RFX7: variants seen among roughly 807,000 people sequenced by gnomAD.
RFX7 encodes DNA-binding protein RFX7.
Under a neutral mutation model 111.8 loss-of-function variants are expected in RFX7, and 26 were observed. The observed-to-expected ratio is 0.23, with a 90% confidence interval of 0.17 to 0.32. RFX7 has a LOEUF of 0.32. Ranked by LOEUF, RFX7 falls within the 10% of genes least tolerant of loss-of-function variation. The pLI, the probability that RFX7 is intolerant of heterozygous loss-of-function variation, is 1.00. For synonymous variants in RFX7, 624 were observed against 624.4 expected (o/e 1.00, Z 0.01); for missense variants, 1,573 against 1,772.9 (o/e 0.89, Z 2.02).
intron 2 of RFX7, among the ~76,000 whole-genome samples, chr15:56,201,834 T>A (rs1449285748): frequency 6.6e-6 from 1 of 151,902 alleles, no homozygotes; most frequent in Non-Finnish European, 1.5e-5. Flanking sequence ...ATTGAGACCA[T>A]CCTGGCTAAC....
rs1299206020 is a variant in RFX7 at position 56,092,364 on chromosome 15, A to T, written c.*981T>A. The T allele has an allele frequency of 6.6e-6, 1 of 152,490 alleles. No homozygotes were observed. Among genetic ancestry groups the T allele is most frequent in the Non-Finnish European group, 1.5e-5 (1 of 67,960 alleles). The allele number at this position is 152,490 out of a possible 1,614,324, so 9.4% of individuals were successfully genotyped here. A position where few individuals can be genotyped will look rare whatever the true frequency, so the allele number is the denominator to read the frequency against. The stretch of plus-strand genomic sequence containing the variant: ...TTACTATATTCAGGAGGAGTGAGGG[A>T]GTCAGTCACTCAATTGAAGAGGAAA... On this transcript the variant is annotated 3_prime_UTR_variant, in exon 10 of 10. Coordinates refer to ENST00000559447, the MANE Select transcript of RFX7 (RefSeq NM_022841.7).
At chr15:56,103,129 A>ATTTTTT (rs11336124) in intron 6 of RFX7, among the ~76,000 whole-genome samples, 24 of 94,438 alleles carry the variant, frequency 2.5e-4, no homozygotes, top group Non-Finnish European at 3.5e-4. Context: ...GTTCCATAAG[A>ATTTTTT]TTTTTTTTTT....
intron 5 of RFX7, among the ~76,000 whole-genome samples, chr15:56,137,401 G>A (rs1342207239): frequency 1.6e-4 from 24 of 152,260 alleles, no homozygotes; most frequent in East Asian, 1.4e-3. Context: ...GTTTATTTGC[G>A]TAGAGGTGTT....
intron 2 of RFX7, among the ~76,000 whole-genome samples, chr15:56,236,653 C>T (rs930298002): frequency 1.8e-4 from 27 of 152,280 alleles, no homozygotes; most frequent in African/African-American, 6.5e-4. Flanking sequence ...CAACTCTGCA[C>T]TAAATTATTC....
rs760448725 is a variant in RFX7 at position 56,096,455 on chromosome 15, C to T, written c.1273G>A (p.Ala425Thr). ...VPASPGGDRS[A>T]RHRYPQILPK... is the part of the protein sequence containing the mutation. ...AAGATCTGAGGGTAACGGTGCCGGG[C>T]AGAACGATCCCCACCAGGACTGGCT... Residue 425 changes from alanine to threonine, a missense_variant, in exon 10 of 10, where the codon GCC becomes ACC. Ala to Thr is a moderately conservative substitution (Grantham distance 58). This residue lies in a region of RFX7 where 288 missense variants were observed against 337.9 expected (regional missense o/e 0.85). Transcript: ENST00000559447. 5.9e-5 allele frequency: 95 copies of T among 1,612,302 alleles called. No individual in the cohort carries two copies. Among genetic ancestry groups the T allele is most frequent in the Non-Finnish European group, 7.3e-5 (86 of 1,179,210 alleles).
intron 5 of RFX7, among the ~76,000 whole-genome samples, chr15:56,111,082 G>A: frequency 1.6e-5 from 2 of 125,830 alleles, no homozygotes; most frequent in Non-Finnish European, 1.7e-5. Context: ...GGGCGCCTCT[G>A]CCCGGCCGCC....
chr15:56,180,450 T>C (rs1172848185), intron 2 of RFX7, among the ~76,000 whole-genome samples: 1 of 152,190 alleles, frequency 6.6e-6, no homozygotes, highest in East Asian at 1.9e-4. Context: ...AAAATCTCTT[T>C]GTATAGCTTA....
At chr15:56,099,721 T>G (rs552721288) in intron 8 of RFX7, among the ~76,000 whole-genome samples, 5 of 152,288 alleles carry the variant, frequency 3.3e-5, no homozygotes, top group Admixed American at 1.3e-4. Flanking sequence ...AGATCAAAAT[T>G]TTGAGAGACA....
chr15:56,130,893 A>C (rs1342871602), intron 5 of RFX7, among the ~76,000 whole-genome samples: 1 of 152,134 alleles, frequency 6.6e-6, no homozygotes, highest in Non-Finnish European at 1.5e-5. Context: ...ATAAAGTAAA[A>C]ACCTAACCAG....
At chr15:56,218,022 G>C (rs919092461) in intron 2 of RFX7, among the ~76,000 whole-genome samples, 1 of 151,612 alleles carries the variant, frequency 6.6e-6, no homozygotes, top group Non-Finnish European at 1.5e-5. Context: ...AGAGATGGTT[G>C]TGCCTGTACT....
At chr15:56,206,401 G>GT (rs1283943480) in intron 2 of RFX7, among the ~76,000 whole-genome samples, 1 of 152,132 alleles carries the variant, frequency 6.6e-6, no homozygotes, top group African/African-American at 2.4e-5. Context: ...ACTGTTAGGG[G>GT]GACACAGTGG....
intron 2 of RFX7, among the ~76,000 whole-genome samples, chr15:56,186,666 C>A (rs533365599): frequency 6.6e-6 from 1 of 151,856 alleles, no homozygotes; most frequent in African/African-American, 2.4e-5. Flanking sequence ...AATATACACA[C>A]ATATCTATAC....
chr15:56,141,251 G>A (rs1012809679), intron 5 of RFX7, among the ~76,000 whole-genome samples: 4 of 151,772 alleles, frequency 2.6e-5, no homozygotes, highest in African/African-American at 9.7e-5. Context: ...AGAGGGCTGA[G>A]GCAGGAGGAT....
chr15:56,180,445 C>T (rs1278388996), intron 2 of RFX7, among the ~76,000 whole-genome samples: 1 of 152,154 alleles, frequency 6.6e-6, no homozygotes, highest in Non-Finnish European at 1.5e-5. Flanking sequence ...GTTTTAAAAT[C>T]TCTTTGTATA....
intron 2 of RFX7, among the ~76,000 whole-genome samples, chr15:56,190,482 C>T (rs554218292): frequency 2.6e-4 from 40 of 152,340 alleles, no homozygotes; most frequent in African/African-American, 8.2e-4. Flanking sequence ...TTTGATTGGT[C>T]ATTCTATCTT....
intron 2 of RFX7, among the ~76,000 whole-genome samples, chr15:56,225,896 C>T (rs2043477906): frequency 6.6e-6 from 1 of 152,072 alleles, no homozygotes; most frequent in Non-Finnish European, 1.5e-5. Flanking sequence ...CTGTTAACTT[C>T]TCAGATTCTA....
At chr15:56,234,586 A>G (rs139762528) in intron 2 of RFX7, among the ~76,000 whole-genome samples, 4 of 152,342 alleles carry the variant, frequency 2.6e-5, no homozygotes, top group East Asian at 1.9e-4. Context: ...TACATTAACT[A>G]AAGCATCTTG....
chr15:56,208,377 AG>A (rs1194996565), intron 2 of RFX7, among the ~76,000 whole-genome samples: 2 of 152,200 alleles, frequency 1.3e-5, no homozygotes, highest in Non-Finnish European at 2.9e-5. Context: ...TACAGGGCAG[AG>A]GTACAGGCTT....
chr15:56,169,102 A>T (rs2042814591), intron 3 of RFX7, among the ~76,000 whole-genome samples: 1 of 152,208 alleles, frequency 6.6e-6, no homozygotes, highest in Admixed American at 6.5e-5. Flanking sequence ...CTAGTGCAAC[A>T]AAAGGAGTAG....
Sources: gnomAD v4.1 joint callset for allele counts (sites outside exome capture counted in the v4.1 genomes callset) on GRCh38, gnomAD v4.1.1 for gene constraint, gnomAD v4.1.1 regional missense constraint, MANE v1.5 for transcripts, NCBI Gene and HGNC (gene_info 2026-07-23, HGNC 2026-07-21) for gene names.